ZNF462: variants seen among roughly 807,000 people sequenced by gnomAD.
The protein encoded by ZNF462 is zinc finger PBX1-interacting protein.
In ZNF462, 10 loss-of-function variants were observed where a neutral mutation model predicts 201.9. That is an observed-to-expected ratio of 0.05 (90% CI 0.03 to 0.08). The LOEUF (loss-of-function observed/expected upper bound fraction) is 0.08. Among genes scored for constraint, ZNF462 ranks in the 10% least tolerant of loss-of-function variants. The probability of loss-of-function intolerance (pLI) is 1.00; values close to 1 mark genes in which losing one functional copy is unlikely to be tolerated. For synonymous variants in ZNF462, 1,227 were observed against 1,193.3 expected (o/e 1.03, Z -0.58); for missense variants, 2,523 against 3,168.3 (o/e 0.80, Z 4.89).
rs74756384 is a variant in ZNF462 at position 106,954,514 on chromosome 9, A to G, written c.6427+15407A>G. 1.1e-3 allele frequency among the ~76,000 whole-genome samples: 157 copies of G among 140,364 alleles called. No homozygotes were observed. The highest frequency in any genetic ancestry group is 1.8e-3 in the Non-Finnish European group (116 of 64,124). The allele number at this position is 140,364 out of a possible 152,430, so 92.1% of individuals were successfully genotyped here. On this transcript the variant is annotated intron_variant, in intron 7 of 12. Coordinates refer to ENST00000277225, the MANE Select transcript of ZNF462 (RefSeq NM_021224.6). The surrounding 1 kb of genome is among the most constrained non-coding windows in gnomAD (Gnocchi z 4.0). ...ACCATATCAGCCTGTTTAAAAGAGGAAAAAAAAAAAAAACTCAGTCAATAT... is the reference window on the plus strand; with the variant it reads ...ACCATATCAGCCTGTTTAAAAGAGGGAAAAAAAAAAAAACTCAGTCAATAT...
Position 106,928,644 on chromosome 9 carries a change from C to G in ZNF462, c.4732C>G (p.Arg1578Gly), listed in dbSNP as rs377514640. The change falls in exon 3 of 13, where the codon CGG (arginine) becomes GGG (glycine). Residue 1578 changes from arginine (R) to glycine (G), a missense_variant. This residue lies in a region of ZNF462 where 200 missense variants were observed against 281.3 expected (regional missense o/e 0.71). Coordinates refer to ENST00000277225, the MANE Select transcript of ZNF462 (RefSeq NM_021224.6). The surrounding 1 kb of genome is among the most constrained non-coding windows in gnomAD (Gnocchi z 9.3). Reference sequence around the variant, plus strand: ...CTTCAAGCAAGGGTATGGCGCCTACCGGTGCAAACTGTGTCCGTACACACA... The same window carrying G: ...CTTCAAGCAAGGGTATGGCGCCTACGGGTGCAAACTGTGTCCGTACACACA... ...RIFKQGYGAY[R>G]CKLCPYTHGT... The G allele has an allele frequency of 6.2e-7, 1 of 1,614,140 alleles. No homozygotes were observed. Among genetic ancestry groups the G allele is most frequent in the African/African-American group, 1.3e-5 (1 of 75,042 alleles).
At chr9:106,982,296 G>A (rs1485306901) in intron 9 of ZNF462, among the ~76,000 whole-genome samples, 3 of 152,234 alleles carry the variant, frequency 2.0e-5, no homozygotes, top group African/African-American at 7.2e-5. Flanking sequence ...AGAAGGGGGT[G>A]CTTTTGACAC....
intron 1 of ZNF462, among the ~76,000 whole-genome samples, chr9:106,921,480 G>A (rs1829989021): frequency 6.6e-6 from 1 of 152,202 alleles, no homozygotes; most frequent in African/African-American, 2.4e-5. Context: ...CGGAGGAGAA[G>A]CTCTGAGCTA....
chr9:106,864,317 G>A lies in ZNF462; in HGVS notation c.-31+962G>A, dbSNP rs187691199. On this transcript the variant is annotated intron_variant, in intron 1 of 12. Coordinates refer to ENST00000277225, the MANE Select transcript of ZNF462 (RefSeq NM_021224.6). ...GGAGGAGGACAACGGTTTCTGGAGA[G>A]GAGAAGCCATTACACACGCTTGGCT... Among the ~76,000 whole-genome samples the A allele has an allele frequency of 3.0e-4, 45 of 151,962 alleles. 1 individual carries two copies. In the East Asian group the frequency reaches 8.8e-3, roughly 30 times the overall value.
At chr9:106,897,265 TTATG>T (rs1224851539) in intron 1 of ZNF462, among the ~76,000 whole-genome samples, 4 of 152,200 alleles carry the variant, frequency 2.6e-5, no homozygotes, top group African/African-American at 9.7e-5. Context: ...TAGAAACAGA[TTATG>T]TATTATGTTT....
At chr9:106,868,330 A>C (rs1440515311) in intron 1 of ZNF462, among the ~76,000 whole-genome samples, 2 of 152,174 alleles carry the variant, frequency 1.3e-5, no homozygotes, top group African/African-American at 2.4e-5. Context: ...GGAAATGGGA[A>C]GTTCTAAGCT....
At position 107,006,184 on chromosome 9, in the gene ZNF462, T is replaced by G. The variant is rs920124881; in HGVS notation, c.7189+2758T>G. The stretch of plus-strand genomic sequence containing the variant: ...CTATCCAGGGTGTGGTTCCATGGGT[T>G]GTTGTAAAGATTAAATGAGATAACA... On this transcript the variant is annotated intron_variant, in intron 11 of 12. Transcript: ENST00000277225. The surrounding 1 kb of genome is among the most constrained non-coding windows in gnomAD (Gnocchi z 4.3). Among the ~76,000 whole-genome samples, 8 of 152,114 alleles carry G rather than the reference T, an allele frequency of 5.3e-5. No individual in the cohort carries two copies. Among genetic ancestry groups the G allele is most frequent in the African/African-American group, 1.9e-4 (8 of 41,412 alleles).
rs1826815519 is a variant in ZNF462, at chr9:106,974,133, C to G, written c.6696-4C>G. The G allele has an allele frequency of 6.2e-7, 1 of 1,614,096 alleles. No individual in the cohort carries two copies. Among genetic ancestry groups the G allele is most frequent in the African/African-American group, 1.3e-5 (1 of 75,038 alleles). On this transcript the variant is annotated splice_region_variant and splice_polypyrimidine_tract_variant and intron_variant, in intron 8 of 12. Transcript: ENST00000277225. This position sits in a 1 kb window ranked among gnomAD's most constrained non-coding sequence, Gnocchi z 4.0. ...ATCACCTCTCCTCCCAAACTCTCTC[C>G]TAGATCTGCTTTTACTATGCACGTG...
rs957544080 is a variant in ZNF462 at position 106,872,356 on chromosome 9, G to A, written c.-31+9001G>A. Among the ~76,000 whole-genome samples the A allele has an allele frequency of 1.3e-5, 2 of 152,130 alleles. No individual in the cohort carries two copies. Among genetic ancestry groups the A allele is most frequent in the Non-Finnish European group, 2.9e-5 (2 of 68,014 alleles). Reference sequence around the variant, plus strand: ...GTGAGAAGGGAGTCTTTGTAGAAGAGACCATTTTCTTTTTTCTTTTCTTTT... The same window carrying A: ...GTGAGAAGGGAGTCTTTGTAGAAGAAACCATTTTCTTTTTTCTTTTCTTTT... On this transcript the variant is annotated intron_variant, in intron 1 of 12. Coordinates refer to ENST00000277225, the MANE Select transcript of ZNF462 (RefSeq NM_021224.6). This position sits in a 1 kb window ranked among gnomAD's most constrained non-coding sequence, Gnocchi z 4.5.
chr9:107,000,160 G>T lies in ZNF462; in HGVS notation c.7057-3134G>T, dbSNP rs985266766. On this transcript the variant is annotated intron_variant, in intron 10 of 12. Coordinates refer to ENST00000277225, the MANE Select transcript of ZNF462 (RefSeq NM_021224.6). ...AGACAGGTGAGATGGTGGAGGCATA[G>T]ACTCCTCGAGGGCCTGACATATTCC... is the stretch of plus-strand genomic sequence containing the variant. Among the ~76,000 whole-genome samples, 5 of 152,034 alleles carry T rather than the reference G, an allele frequency of 3.3e-5. No homozygotes were observed. In the South Asian group the frequency reaches 8.3e-4, roughly 25 times the overall value.
intron 1 of ZNF462, among the ~76,000 whole-genome samples, chr9:106,868,611 C>G (rs1827449882): frequency 6.6e-6 from 1 of 152,152 alleles, no homozygotes; most frequent in Non-Finnish European, 1.5e-5. Context: ...GTTTTAGGCC[C>G]TAGATCATTT....
rs1427322438 is a variant in ZNF462, at chr9:106,935,232, A to G, written c.6117-271A>G. 1.3e-5 allele frequency among the ~76,000 whole-genome samples: 2 copies of G among 152,174 alleles called. No homozygotes were observed. Among genetic ancestry groups the G allele is most frequent in the Admixed American group, 6.5e-5 (1 of 15,278 alleles). Reference sequence around the variant, plus strand: ...CCAATGATCAGAGCTCTAAGAAGGGACAATAAAGATTCTTACCATGACCTG... The same window carrying G: ...CCAATGATCAGAGCTCTAAGAAGGGGCAATAAAGATTCTTACCATGACCTG... On this transcript the variant is annotated intron_variant, in intron 5 of 12. Transcript: ENST00000277225. The surrounding 1 kb of genome is among the most constrained non-coding windows in gnomAD (Gnocchi z 4.1).
At chr9:106,884,066 G>T (rs1254130551) in intron 1 of ZNF462, among the ~76,000 whole-genome samples, 1 of 152,232 alleles carries the variant, frequency 6.6e-6, no homozygotes, top group Non-Finnish European at 1.5e-5. Flanking sequence ...CCATAAACTT[G>T]TGGTATGCAG....
chr9:106,976,665 CA>C (rs1481880492), intron 9 of ZNF462: 1 of 152,172 alleles, frequency 6.6e-6, no homozygotes, highest in Non-Finnish European at 1.5e-5. Context: ...CTGAAATGAA[CA>C]TGAGCATTTG....
chr9:106,893,184 T>C (rs527492308), intron 1 of ZNF462, among the ~76,000 whole-genome samples: 1 of 152,358 alleles, frequency 6.6e-6, no homozygotes, highest in East Asian at 1.9e-4. Flanking sequence ...ATGTGCTCTC[T>C]GAGACCCACA....
intron 1 of ZNF462, among the ~76,000 whole-genome samples, chr9:106,869,760 A>T (rs1224402727): frequency 6.6e-6 from 1 of 152,236 alleles, no homozygotes; most frequent in Non-Finnish European, 1.5e-5. Context: ...AAAGGAAGAA[A>T]AAAAAGTTTG....
intron 1 of ZNF462, among the ~76,000 whole-genome samples, chr9:106,879,768 T>C (rs1828011438): frequency 1.3e-5 from 2 of 152,182 alleles, no homozygotes; most frequent in South Asian, 4.1e-4. Context: ...CCATCAGGAT[T>C]GTCTAGTTCC....
At position 106,863,367 on chromosome 9, in the gene ZNF462, C is replaced by G. The variant is rs975978696; in HGVS notation, c.-31+12C>G. On this transcript the variant is annotated intron_variant, in intron 1 of 12. Transcript: ENST00000277225. ...GGGACGCTTCTTCTGTAAGTTACTG[C>G]AATTAACAACCACCTCGGGGTGGTC... 5.1e-6 allele frequency: 2 copies of G among 395,136 alleles called. No individual in the cohort carries two copies. Among genetic ancestry groups the G allele is most frequent in the Non-Finnish European group, 8.9e-6 (2 of 224,164 alleles). The allele number at this position is 395,136 out of a possible 1,614,324, so 24.5% of individuals were successfully genotyped here. A position where few individuals can be genotyped will look rare whatever the true frequency, so the allele number is the denominator to read the frequency against.
At chr9:106,980,116 A>G (rs1229430483) in intron 9 of ZNF462, among the ~76,000 whole-genome samples, 7 of 152,130 alleles carry the variant, frequency 4.6e-5, no homozygotes, top group Admixed American at 1.3e-4. Context: ...TGCCTGATAG[A>G]ATTAGAGGTG....
Sources: allele counts gnomAD v4.1 joint callset (sites outside exome capture counted in the v4.1 genomes callset), GRCh38; gene constraint gnomAD v4.1.1; regional missense constraint gnomAD v4.1.1; non-coding constraint Gnocchi (gnomAD v3.1); transcripts MANE v1.5; gene names NCBI Gene and HGNC (gene_info 2026-07-23, HGNC 2026-07-21).